The following PAPPA2 variants were observed in gnomAD, a reference collection of about 807,000 sequenced individuals.
PAPPA2 encodes pappalysin 2.
A neutral mutation model predicts 176.4 loss-of-function variants in PAPPA2; 86 were observed. The observed-to-expected ratio is 0.49, with a 90% CI of 0.41 to 0.58. PAPPA2 has a LOEUF of 0.58. Among genes scored for constraint, PAPPA2 ranks in the 20% least tolerant of loss-of-function variants. The probability of loss-of-function intolerance (pLI) is 0.00; values close to 1 mark genes in which losing one functional copy is unlikely to be tolerated. For synonymous variants in PAPPA2, 809 were observed against 852.2 expected (o/e 0.95, Z 0.88); for missense variants, 2,073 against 2,256.9 (o/e 0.92, Z 1.65).
chr1:176,808,230 AT>A (rs1444571567), intron 21 of PAPPA2, among the ~76,000 whole-genome samples: 1 of 152,162 alleles, frequency 6.6e-6, no homozygotes, highest in Non-Finnish European at 1.5e-5. Context: ...CTCCCTCCCA[AT>A]TCTTTTATGT....
At chr1:176,653,734 G>A (rs2063050) in intron 3 of PAPPA2, among the ~76,000 whole-genome samples, 5 of 151,136 alleles carry the variant, frequency 3.3e-5, no homozygotes, top group African/African-American at 7.3e-5. Context: ...ACCCCACTCC[G>A]TCTCCTACTC....
At chr1:176,832,125 C>A (rs1228694435) in intron 21 of PAPPA2, among the ~76,000 whole-genome samples, 1 of 152,138 alleles carries the variant, frequency 6.6e-6, no homozygotes, top group Non-Finnish European at 1.5e-5. Context: ...AGTTTTCTTG[C>A]TGCTTTCATA....
intron 21 of PAPPA2, among the ~76,000 whole-genome samples, chr1:176,801,119 A>ACG (rs1259209270): frequency 4.6e-4 from 70 of 151,936 alleles, no homozygotes; most frequent in Non-Finnish European, 8.5e-4. Flanking sequence ...ACACACACAC[A>ACG]CACACCATTT....
At chr1:176,642,523 A>G (rs914355602) in intron 3 of PAPPA2, among the ~76,000 whole-genome samples, 3 of 151,854 alleles carry the variant, frequency 2.0e-5, no homozygotes, top group Non-Finnish European at 4.4e-5. Context: ...TGAGATGACT[A>G]TAAGAAAGAC....
chr1:176,603,354 A>T (rs1235298127), intron 3 of PAPPA2, among the ~76,000 whole-genome samples: 1 of 152,126 alleles, frequency 6.6e-6, no homozygotes, highest in East Asian at 1.9e-4. Context: ...CAGTGACTGG[A>T]TATAAATGAA....
At chr1:176,486,770 A>C (rs1474901639) in intron 1 of PAPPA2, among the ~76,000 whole-genome samples, 2 of 152,120 alleles carry the variant, frequency 1.3e-5, no homozygotes, top group African/African-American at 4.8e-5. Flanking sequence ...ATGGGACTAG[A>C]TTGTGGTTGG....
intron 3 of PAPPA2, among the ~76,000 whole-genome samples, chr1:176,667,299 C>T (rs1186884502): frequency 1.3e-5 from 2 of 151,602 alleles, no homozygotes; most frequent in Admixed American, 6.6e-5. Flanking sequence ...GGATGCTTCA[C>T]ACAAATGTTG....
chr1:176,735,341 A>ATAGAAG (rs1662349045), intron 12 of PAPPA2, among the ~76,000 whole-genome samples: 1 of 152,136 alleles, frequency 6.6e-6, no homozygotes, highest in South Asian at 2.1e-4. Context: ...ATGAAAAGGC[A>ATAGAAG]CAGAAGAAAA....
Position 176,556,304 on chromosome 1 carries a change from A to G in PAPPA2, c.-19A>G. The G allele has an allele frequency of 6.2e-7, 1 of 1,604,180 alleles. No homozygotes were observed. The highest frequency in any genetic ancestry group is 8.5e-7 in the Non-Finnish European group (1 of 1,174,568). ...CCCAGAAGTTGACTTCTGGTTCTGT[A>G]GAAAGAGCTAGGGGAGGTATGATGT... is the stretch of plus-strand genomic sequence containing the variant. On this transcript the variant is annotated 5_prime_UTR_variant, in exon 2 of 23. Transcript: ENST00000367662.
At chr1:176,576,664 C>T (rs1652663245) in intron 2 of PAPPA2, among the ~76,000 whole-genome samples, 1 of 152,148 alleles carries the variant, frequency 6.6e-6, no homozygotes, top group South Asian at 2.1e-4. Flanking sequence ...TCCTGCTCCT[C>T]AGTGTATGGT....
chr1:176,794,737 T>C (rs1196001426), intron 20 of PAPPA2, among the ~76,000 whole-genome samples: 1 of 152,054 alleles, frequency 6.6e-6, no homozygotes, highest in East Asian at 1.9e-4. Flanking sequence ...AATATAGTAC[T>C]TTTAGATGTG....
At position 176,587,642 on chromosome 1, in the gene PAPPA2, C is replaced by T. The variant is rs1054972235; in HGVS notation, c.920-6882C>T. Reference sequence around the variant, plus strand: ...GAGGTCTCTGTTCTACTCCATTGGTCTTTATGTCTGTTTTGGTAATAGGAC... The same window carrying T: ...GAGGTCTCTGTTCTACTCCATTGGTTTTTATGTCTGTTTTGGTAATAGGAC... On this transcript the variant is annotated intron_variant, in intron 2 of 22. Transcript: ENST00000367662. Among the ~76,000 whole-genome samples, 45 of 152,258 alleles carry T rather than the reference C, an allele frequency of 3.0e-4. No individual in the cohort carries two copies. In the Middle Eastern group the frequency reaches 0.01, roughly 35 times the overall value.
chr1:176,641,632 C>A (rs536307122), intron 3 of PAPPA2, among the ~76,000 whole-genome samples: 1 of 151,930 alleles, frequency 6.6e-6, no homozygotes, highest in Non-Finnish European at 1.5e-5. Flanking sequence ...TGTGATGCCT[C>A]CAGCTTAGAT....
At chr1:176,544,558 C>A (rs1007308821) in intron 1 of PAPPA2, among the ~76,000 whole-genome samples, 9 of 152,134 alleles carry the variant, frequency 5.9e-5, no homozygotes, top group African/African-American at 1.9e-4. Flanking sequence ...CTCTGGCCAC[C>A]AATTGAGTGG....
chr1:176,785,236 C>G (rs1333830572), intron 17 of PAPPA2, among the ~76,000 whole-genome samples: 2 of 152,138 alleles, frequency 1.3e-5, no homozygotes, highest in Non-Finnish European at 2.9e-5. Flanking sequence ...ACTGAAGTGC[C>G]AAGTTCCATA....
chr1:176,555,968 AG>A lies in PAPPA2; in HGVS notation c.-349del, dbSNP rs889230615. On this transcript the variant is annotated 5_prime_UTR_variant, in exon 2 of 23. An upstream open reading frame in the 5' UTR gains an earlier in-frame stop. Transcript: ENST00000367662. ...TGAGGGGAGGGATTACTGAAGAAGA[AG>A]GGGGGAAAAAAAAAGAAAGAAATCT... 5 of 227,852 alleles carry A rather than the reference AG, an allele frequency of 2.2e-5. No homozygotes were observed. The highest frequency in any genetic ancestry group is 1.9e-4 in the South Asian group (2 of 10,720). 14.1% of individuals were successfully genotyped at this position (227,852 alleles called of 1,614,324 possible).
At chr1:176,790,032 C>T in intron 18 of PAPPA2, 55 bp downstream of exon 18, 1 of 1,548,268 alleles carries the variant, frequency 6.5e-7, no homozygotes, top group Non-Finnish European at 8.8e-7. Context: ...ATCTTGATGC[C>T]CAATCCAAGA....
chr1:176,763,341 T>A (rs1419818459), intron 14 of PAPPA2, among the ~76,000 whole-genome samples: 1 of 152,216 alleles, frequency 6.6e-6, no homozygotes, highest in Non-Finnish European at 1.5e-5. Context: ...ATGGTTCTTA[T>A]ACCACTGGTA....
At position 176,695,804 on chromosome 1, in the gene PAPPA2, T is replaced by C; in HGVS notation, c.2691T>C (p.Ala897=). ...CCTTTCGTCAGTATGTGCACACAGCTTCCTCCCGGCGGGTGTGTGACTCCT... is the reference window on the plus strand; with the variant it reads ...CCTTTCGTCAGTATGTGCACACAGCCTCCTCCCGGCGGGTGTGTGACTCCT... ...DGTFRQYVHT[A]SSRRVCDSSG... The change falls in exon 7 of 23, where the codon GCT becomes GCC. Residue 897 remains alanine, a synonymous_variant. Transcript: ENST00000367662. The C allele has an allele frequency of 9.9e-6, 16 of 1,614,138 alleles. No individual in the cohort carries two copies. Among genetic ancestry groups the C allele is most frequent in the Non-Finnish European group, 1.2e-5 (14 of 1,180,010 alleles).
Sources: allele counts gnomAD v4.1 joint callset (sites outside exome capture counted in the v4.1 genomes callset), GRCh38; gene constraint gnomAD v4.1.1; transcripts MANE v1.5; gene names NCBI Gene and HGNC (gene_info 2026-07-23, HGNC 2026-07-21).